Variants in PTPRN2 observed in about 807,000 individuals in gnomAD.
PTPRN2 encodes receptor-type tyrosine-protein phosphatase N2.
PTPRN2 carries 74 observed loss-of-function variants against 118.8 expected under a neutral mutation model. That is an observed-to-expected ratio of 0.62 (90% CI 0.52 to 0.76). PTPRN2 has a LOEUF of 0.76. PTPRN2 is among the 30% of genes least tolerant of loss of function. The pLI, the probability that PTPRN2 is intolerant of heterozygous loss-of-function variation, is 0.00. For missense variants in PTPRN2, 1,481 were observed against 1,394.4 expected (o/e 1.06, Z -0.99); for synonymous variants, 641 against 608.0 (o/e 1.05, Z -0.80).
At position 158,544,330 on chromosome 7, in the gene PTPRN2, T is replaced by C. The variant is rs964784978; in HGVS notation, c.112+43228A>G. Among the ~76,000 whole-genome samples, 10 of 151,910 alleles carry C rather than the reference T, an allele frequency of 6.6e-5. No individual in the cohort carries two copies. Among genetic ancestry groups the C allele is most frequent in the Non-Finnish European group, 1.3e-4 (9 of 67,978 alleles). The stretch of plus-strand genomic sequence containing the variant: ...TGGCCCAACACAAATTCATAAACTT[T>C]CTTAAAACATTATGAGATTTTTTGG... On this transcript the variant is annotated intron_variant, in intron 1 of 22. Coordinates refer to ENST00000389418, the MANE Select transcript of PTPRN2 (RefSeq NM_002847.5). This position sits in a 1 kb window ranked among gnomAD's most constrained non-coding sequence, Gnocchi z 4.2.
intron 6 of PTPRN2, among the ~76,000 whole-genome samples, chr7:158,165,347 G>A (rs907751127): frequency 9.9e-5 from 15 of 152,186 alleles, no homozygotes; most frequent in South Asian, 2.1e-4. Flanking sequence ...CACTCCAGGC[G>A]GGCAGCTCCC....
chr7:157,910,814 C>T (rs1798065680), intron 11 of PTPRN2, among the ~76,000 whole-genome samples: 1 of 152,258 alleles, frequency 6.6e-6, no homozygotes, highest in Admixed American at 6.5e-5. Flanking sequence ...CAACACAAAA[C>T]ACAAGAAAAT....
chr7:157,755,867 C>A (rs1031361838), intron 12 of PTPRN2, among the ~76,000 whole-genome samples: 1 of 152,204 alleles, frequency 6.6e-6, no homozygotes, highest in Non-Finnish European at 1.5e-5. Flanking sequence ...TGCACACGTA[C>A]CCCCGATTCT....
Position 158,516,035 on chromosome 7 carries a change from G to A in PTPRN2, c.113-26250C>T, listed in dbSNP as rs557990736. Among the ~76,000 whole-genome samples the A allele has an allele frequency of 9.2e-5, 14 of 152,160 alleles. No homozygotes were observed. The South Asian group carries it at 2.7e-3, about 29-fold the overall frequency. On this transcript the variant is annotated intron_variant, in intron 1 of 22. Transcript: ENST00000389418. ...CACCTACCATGATATCCACAGACAC[G>A]CTGGTGATTGCACCTCACAGAAGCC...
At chr7:158,255,362 A>C (rs1796956538) in intron 3 of PTPRN2, among the ~76,000 whole-genome samples, 1 of 152,220 alleles carries the variant, frequency 6.6e-6, no homozygotes, top group Non-Finnish European at 1.5e-5. Context: ...AAGTAGGCCC[A>C]GGGCAGGAGT....
At position 158,457,371 on chromosome 7, in the gene PTPRN2, C is replaced by T. The variant is rs142139985; in HGVS notation, c.163+32364G>A. 2.9e-3 allele frequency among the ~76,000 whole-genome samples: 441 copies of T among 152,320 alleles called. 12 individuals carry two copies. In the South Asian group the frequency reaches 0.046, roughly 16 times the overall value. ...GTGCAATGTCTCTGGACACTTCCAG[C>T]GGGCAGGTGTCTACCCTGGCCTTGA... is the stretch of plus-strand genomic sequence containing the variant. On this transcript the variant is annotated intron_variant, in intron 2 of 22. Transcript: ENST00000389418.
Position 158,277,095 on chromosome 7 carries a change from C to T in PTPRN2, c.277+39724G>A, listed in dbSNP as rs1312053244. ...GAACAGCCCCTTCGTCAGAAGCCATCCTCTCACACACGTGCACACACACAC... is the reference window on the plus strand; with the variant it reads ...GAACAGCCCCTTCGTCAGAAGCCATTCTCTCACACACGTGCACACACACAC... On this transcript the variant is annotated intron_variant, in intron 3 of 22. Coordinates refer to ENST00000389418, the MANE Select transcript of PTPRN2 (RefSeq NM_002847.5). 3.3e-5 allele frequency among the ~76,000 whole-genome samples: 5 copies of T among 152,168 alleles called. No individual in the cohort carries two copies. The East Asian group carries it at 9.6e-4, about 29-fold the overall frequency.
At chr7:158,076,776 C>T (rs1235528027) in intron 11 of PTPRN2, among the ~76,000 whole-genome samples, 1 of 152,202 alleles carries the variant, frequency 6.6e-6, no homozygotes, top group African/African-American at 2.4e-5. Context: ...CTGCCCTGCC[C>T]TCCCCGATGT....
At chr7:158,183,882 G>C (rs917662324) in intron 5 of PTPRN2, among the ~76,000 whole-genome samples, 1 of 152,016 alleles carries the variant, frequency 6.6e-6, no homozygotes, top group African/African-American at 2.4e-5. Flanking sequence ...TTCACAGTGT[G>C]AATCTTTACA....
At chr7:158,058,282 C>T in intron 11 of PTPRN2, among the ~76,000 whole-genome samples, 1 of 141,444 alleles carries the variant, frequency 7.1e-6, no homozygotes, top group Admixed American at 7.1e-5. Flanking sequence ...CCCCATCTGC[C>T]CACGGTGAGA....
At chr7:158,096,733 GCCCCATT>G (rs1814658316) in intron 10 of PTPRN2, among the ~76,000 whole-genome samples, 1 of 152,184 alleles carries the variant, frequency 6.6e-6, no homozygotes, top group African/African-American at 2.4e-5. Flanking sequence ...ATAACATGAG[GCCCCATT>G]CCCCACCTTC....
At chr7:158,446,154 G>C (rs981060619) in intron 2 of PTPRN2, among the ~76,000 whole-genome samples, 1 of 151,966 alleles carries the variant, frequency 6.6e-6, no homozygotes, top group African/African-American at 2.4e-5. Context: ...TTCCCAGCTC[G>C]CCCCAGGTCT....
At chr7:158,475,134 C>T (rs370870951) in intron 2 of PTPRN2, among the ~76,000 whole-genome samples, 28 of 152,252 alleles carry the variant, frequency 1.8e-4, no homozygotes, top group African/African-American at 5.3e-4. Context: ...GTTTCCCTGA[C>T]GCCACGGTGG....
At chr7:157,748,788 A>G (rs1380979618) in intron 12 of PTPRN2, among the ~76,000 whole-genome samples, 30 of 21,024 alleles carry the variant, frequency 1.4e-3, no homozygotes, top group Admixed American at 2.2e-3. Context: ...TGGGCTGTTG[A>G]GGTGATTCTG....
intron 2 of PTPRN2, among the ~76,000 whole-genome samples, chr7:158,359,693 C>A (rs1292699102): frequency 6.6e-6 from 1 of 152,190 alleles, no homozygotes; most frequent in Non-Finnish European, 1.5e-5. Context: ...CAGTAGCTGA[C>A]AAACATTAAT....
At chr7:157,661,868 G>GGTTC (rs1795908931) in intron 13 of PTPRN2, among the ~76,000 whole-genome samples, 1 of 152,188 alleles carries the variant, frequency 6.6e-6, no homozygotes, top group South Asian at 2.1e-4. Flanking sequence ...AAGGCTCTGG[G>GGTTC]GGAACCTGCC....
At chr7:157,552,930 A>C (rs1273595485) in intron 21 of PTPRN2, among the ~76,000 whole-genome samples, 1 of 152,186 alleles carries the variant, frequency 6.6e-6, no homozygotes, top group Non-Finnish European at 1.5e-5. Flanking sequence ...GTAATTTACA[A>C]AACACATTTG....
At chr7:158,115,605 A>T (rs1266630700) in intron 9 of PTPRN2, among the ~76,000 whole-genome samples, 1 of 152,090 alleles carries the variant, frequency 6.6e-6, no homozygotes, top group Non-Finnish European at 1.5e-5. Flanking sequence ...GGCTCTGTAG[A>T]TCTTTTTCCT....
At chr7:158,164,746 T>G (rs1453521245) in intron 6 of PTPRN2, among the ~76,000 whole-genome samples, 2 of 151,202 alleles carry the variant, frequency 1.3e-5, no homozygotes, top group Admixed American at 6.6e-5. Context: ...AAAAGGGAGG[T>G]TAGAGAAGGA....
Sources: allele counts gnomAD v4.1 joint callset (sites outside exome capture counted in the v4.1 genomes callset), GRCh38; gene constraint gnomAD v4.1.1; non-coding constraint Gnocchi (gnomAD v3.1); transcripts MANE v1.5; gene names NCBI Gene and HGNC (gene_info 2026-07-23, HGNC 2026-07-21).